Variants in TMEM267 observed in about 807,000 individuals in gnomAD.
TMEM267 encodes the protein transmembrane protein C5orf28.
TMEM267 carries 20 observed loss-of-function variants against 19.3 expected under a neutral mutation model. The ratio of observed to expected loss-of-function variants is 1.04; its 90% CI spans 0.73 to 1.51. The LOEUF (loss-of-function observed/expected upper bound fraction) is 1.51. Ranked by LOEUF, TMEM267 falls within the 40% of genes most tolerant of loss-of-function variation. The probability of loss-of-function intolerance (pLI) is 0.00; values close to 1 mark genes in which losing one functional copy is unlikely to be tolerated. For missense variants in TMEM267, 242 were observed against 261.9 expected, an observed-to-expected ratio of 0.92 and a Z score of 0.52; for synonymous variants, 88 against 90.3, an observed-to-expected ratio of 0.97 and a Z score of 0.15.
intron 1 of TMEM267, among the ~76,000 whole-genome samples, chr5:43,479,590 T>G (rs1191226764): frequency 7.1e-6 from 1 of 140,248 alleles, no homozygotes; most frequent in Non-Finnish European, 1.6e-5. Flanking sequence ...TCCAATCTCA[T>G]AAATCAAATT....
intron 1 of TMEM267, among the ~76,000 whole-genome samples, chr5:43,473,355 C>A (rs993173395): frequency 6.6e-6 from 1 of 152,050 alleles, no homozygotes; most frequent in East Asian, 1.9e-4. Flanking sequence ...AATTAGAAAA[C>A]CCCATCGTCT....
chr5:43,480,150 G>A (rs1032485), intron 1 of TMEM267, among the ~76,000 whole-genome samples: 11,544 of 152,168 alleles, frequency 0.076, 560 homozygotes, highest in Middle Eastern at 0.15. Flanking sequence ...AGCAGCGGCA[G>A]CAGCAATATT....
chr5:43,482,476 C>A (rs1744846326), intron 1 of TMEM267, among the ~76,000 whole-genome samples: 1 of 152,180 alleles, frequency 6.6e-6, no homozygotes, highest in Non-Finnish European at 1.5e-5. Context: ...GACTCCCGAA[C>A]CTCCTTTTAC....
At chr5:43,468,881 C>T (rs759591026) in intron 1 of TMEM267, among the ~76,000 whole-genome samples, 1 of 152,072 alleles carries the variant, frequency 6.6e-6, no homozygotes, top group Admixed American at 6.6e-5. Flanking sequence ...TCTTCCCTGA[C>T]CACAGTGGAA....
chr5:43,455,798 C>A (rs562117675), intron 1 of TMEM267, among the ~76,000 whole-genome samples: 1 of 152,268 alleles, frequency 6.6e-6, no homozygotes, highest in South Asian at 2.1e-4. Flanking sequence ...AGTGATCCAC[C>A]CACCTCAGCC....
chr5:43,481,259 A>G (rs1160190366), intron 1 of TMEM267, among the ~76,000 whole-genome samples: 1 of 151,660 alleles, frequency 6.6e-6, no homozygotes, highest in Non-Finnish European at 1.5e-5. Flanking sequence ...ATACTTGGCT[A>G]GATTTTTGTT....
intron 1 of TMEM267, among the ~76,000 whole-genome samples, chr5:43,463,355 G>C (rs1025398973): frequency 5.9e-5 from 9 of 152,132 alleles, no homozygotes; most frequent in Non-Finnish European, 2.9e-5. Context: ...AATTCTACCA[G>C]AGGTACAAGG....
intron 1 of TMEM267, among the ~76,000 whole-genome samples, chr5:43,482,723 T>C (rs1276968289): frequency 6.6e-6 from 1 of 152,210 alleles, no homozygotes; most frequent in Non-Finnish European, 1.5e-5. Flanking sequence ...TTTTCTGCAA[T>C]GGCCAAACTT....
chr5:43,460,074 C>A (rs1216515398), intron 1 of TMEM267, among the ~76,000 whole-genome samples: 2 of 152,178 alleles, frequency 1.3e-5, no homozygotes, highest in Non-Finnish European at 2.9e-5. Flanking sequence ...TCATAAGAAG[C>A]ACGTGACCTA....
intron 2 of TMEM267, among the ~76,000 whole-genome samples, chr5:43,448,894 G>A (rs998134687): frequency 2.1e-5 from 3 of 144,808 alleles, no homozygotes. Flanking sequence ...TATATCACAC[G>A]ACTCCAAAGT....
intron 1 of TMEM267, among the ~76,000 whole-genome samples, chr5:43,473,419 A>C (rs1744208527): frequency 6.6e-6 from 1 of 152,202 alleles, no homozygotes; most frequent in South Asian, 2.1e-4. Context: ...CTCAGGATAC[A>C]AAATCAATGC....
chr5:43,472,059 A>G (rs557820435), intron 1 of TMEM267, among the ~76,000 whole-genome samples: 1 of 152,362 alleles, frequency 6.6e-6, no homozygotes. Context: ...AGGAATAATA[A>G]CCAAAATACG....
At position 43,445,526 on chromosome 5, in the gene TMEM267, A is replaced by G. The variant is rs986322951; in HGVS notation, c.*696T>C. On this transcript the variant is annotated 3_prime_UTR_variant, in exon 3 of 3. Coordinates refer to ENST00000397080, the MANE Select transcript of TMEM267 (RefSeq NM_022483.5). The stretch of plus-strand genomic sequence containing the variant: ...TAGAGATACCAAAAAATACTACTTC[A>G]GTAAAGTGCTACTGTAGCCAACATG... 3 of 152,158 alleles carry G rather than the reference A, an allele frequency of 2.0e-5. No homozygotes were observed. The highest frequency in any genetic ancestry group is 2.9e-5 in the Non-Finnish European group (2 of 67,992). The allele number at this position is 152,158 out of a possible 1,614,324, so 9.4% of individuals were successfully genotyped here.
At position 43,480,260 on chromosome 5, in the gene TMEM267, G is replaced by A. The variant is rs538605374; in HGVS notation, c.-75+3562C>T. 1.1e-4 allele frequency among the ~76,000 whole-genome samples: 16 copies of A among 152,162 alleles called. No individual in the cohort carries two copies. The South Asian group carries it at 1.9e-3, about 18-fold the overall frequency. On this transcript the variant is annotated intron_variant, in intron 1 of 2. Transcript: ENST00000397080. ...TAGGCTGGGCACAGACTACACAGAC[G>A]CCTAACACAAAAGCTCTGCTGCCAC...
chr5:43,465,049 T>A (rs1360458995), intron 1 of TMEM267, among the ~76,000 whole-genome samples: 1 of 152,198 alleles, frequency 6.6e-6, no homozygotes. Flanking sequence ...ATTTTTGCAA[T>A]CTACTCATCT....
chr5:43,449,982 G>C (rs541752675), intron 2 of TMEM267, among the ~76,000 whole-genome samples: 1 of 151,100 alleles, frequency 6.6e-6, no homozygotes, highest in Non-Finnish European at 1.5e-5. Context: ...AAATATCAAT[G>C]TAGCGTTTTT....
At chr5:43,483,444 G>C (rs1744920038) in intron 1 of TMEM267, among the ~76,000 whole-genome samples, 1 of 152,204 alleles carries the variant, frequency 6.6e-6, no homozygotes, top group Non-Finnish European at 1.5e-5. Context: ...CTTACAACCG[G>C]TTAAGGACGG....
rs1742169553 is a variant in TMEM267 at position 43,445,083 on chromosome 5, C to T, written c.*1139G>A. ...CTGAAGACAGCAGATGCCATATATG[C>T]CACAAAGAAAAGCAGGTACCTTTAG... On this transcript the variant is annotated 3_prime_UTR_variant, in exon 3 of 3. Coordinates refer to ENST00000397080, the MANE Select transcript of TMEM267 (RefSeq NM_022483.5). The T allele has an allele frequency of 6.6e-6, 1 of 151,980 alleles. No individual in the cohort carries two copies. The highest frequency in any genetic ancestry group is 2.1e-4 in the South Asian group (1 of 4,830). The allele number at this position is 151,980 out of a possible 1,614,324, so 9.4% of individuals were successfully genotyped here. A position where few individuals can be genotyped will look rare whatever the true frequency, so the allele number is the denominator to read the frequency against.
At chr5:43,473,996 C>CA (rs1469799891) in intron 1 of TMEM267, among the ~76,000 whole-genome samples, 1 of 151,516 alleles carries the variant, frequency 6.6e-6, no homozygotes, top group Admixed American at 6.6e-5. Context: ...ACAAATCTGA[C>CA]AAAAAAAAGC....
Sources: gnomAD v4.1 joint callset for allele counts (sites outside exome capture counted in the v4.1 genomes callset) on GRCh38, gnomAD v4.1.1 for gene constraint, MANE v1.5 for transcripts, NCBI Gene and HGNC (gene_info 2026-07-23, HGNC 2026-07-21) for gene names.